Variants in NTRK3 observed in about 807,000 individuals in gnomAD.
NTRK3 encodes the protein neurotrophic receptor tyrosine kinase 3.
NTRK3 carries 24 observed loss-of-function variants against 91.7 expected under a neutral mutation model. The ratio of observed to expected loss-of-function variants is 0.26; its 90% CI spans 0.19 to 0.37. The LOEUF (loss-of-function observed/expected upper bound fraction) is 0.37. NTRK3 is among the 10% of genes least tolerant of loss of function. NTRK3 has a pLI of 1.00. For synonymous variants in NTRK3, 483 were observed against 404.0 expected (o/e 1.20, Z -2.34); for missense variants, 880 against 1,068.9 (o/e 0.82, Z 2.46).
chr15:88,126,456 AAC>A, intron 12 of NTRK3, 83 bp from the exon 13 acceptor site: 5 of 875,790 alleles, frequency 5.7e-6, no homozygotes, highest in Middle Eastern at 4.4e-4. Flanking sequence ...CCCAGATAAG[AAC>A]AGTCCTACTG....
At chr15:87,865,844 T>G (rs2064657856) in exon 19 of NTRK3, 1 of 228,800 alleles carries the variant, frequency 4.4e-6, no homozygotes, top group African/African-American at 2.2e-5. Flanking sequence ...TCCTTGTATT[T>G]TTTAGAGCAT....
intron 13 of NTRK3, among the ~76,000 whole-genome samples, chr15:88,114,652 T>C (rs955266198): frequency 6.6e-6 from 1 of 152,222 alleles, no homozygotes; most frequent in Non-Finnish European, 1.5e-5. Context: ...CTTGCATTTG[T>C]GCAAAGGCAA....
At chr15:88,137,894 T>C (rs1037227561) in intron 6 of NTRK3, among the ~76,000 whole-genome samples, 1 of 151,810 alleles carries the variant, frequency 6.6e-6, no homozygotes, top group African/African-American at 2.4e-5. Flanking sequence ...CTACTAAAAA[T>C]ACAAAAATTA....
chr15:88,036,340 A>T (rs569712397), intron 13 of NTRK3, among the ~76,000 whole-genome samples: 37 of 152,294 alleles, frequency 2.4e-4, no homozygotes, highest in Admixed American at 6.5e-4. Context: ...ATCATTCTCT[A>T]TAACAATACC....
intron 14 of NTRK3, among the ~76,000 whole-genome samples, chr15:87,949,834 C>T (rs1206206865): frequency 2.0e-5 from 3 of 152,190 alleles, no homozygotes; most frequent in South Asian, 4.1e-4. Flanking sequence ...AAAAAGAACT[C>T]CCCAAGGAGA....
exon 19 of NTRK3, chr15:87,875,193 C>T (rs1314810802): frequency 4.3e-6 from 1 of 230,640 alleles, no homozygotes; most frequent in Non-Finnish European, 8.6e-6. Context: ...AGGCCAGAGG[C>T]CCCCGGGAGG....
chr15:88,256,155 TCCGATCG>T, exon 3 of NTRK3: 1 of 1,490,974 alleles, frequency 6.7e-7, no homozygotes, highest in Admixed American at 1.8e-5. Context: ...GACATCCATC[TCCGATCG>T]CTGCTTCTAA....
intron 16 of NTRK3, chr15:87,931,039 TTC>T: frequency 2.9e-6 from 1 of 347,880 alleles, no homozygotes; most frequent in East Asian, 7.9e-5. Context: ...ATACACTTCT[TTC>T]TGTTTCTTCT....
chr15:88,084,849 T>G (rs116123702), intron 13 of NTRK3, among the ~76,000 whole-genome samples: 2,225 of 152,252 alleles, frequency 0.015, 49 homozygotes, highest in African/African-American at 0.051. Flanking sequence ...CACTGTAAGC[T>G]CTGGTCAGCC....
chr15:87,886,439 G>T (rs185551200), intron 17 of NTRK3, among the ~76,000 whole-genome samples: 1 of 151,036 alleles, frequency 6.6e-6, no homozygotes, highest in Admixed American at 6.6e-5. Flanking sequence ...ATATAGTAGA[G>T]CTATGTGTAC....
chr15:88,002,668 A>C (rs1175964994), intron 14 of NTRK3, among the ~76,000 whole-genome samples: 6 of 149,170 alleles, frequency 4.0e-5, no homozygotes, highest in African/African-American at 1.5e-4. Flanking sequence ...CTAAGACTCA[A>C]CAGAAAACAT....
intron 13 of NTRK3, among the ~76,000 whole-genome samples, chr15:88,042,367 G>A (rs1438506364): frequency 6.6e-6 from 1 of 152,124 alleles, no homozygotes; most frequent in East Asian, 1.9e-4. Flanking sequence ...AACAGACCTG[G>A]GGACTAGTCA....
chr15:87,928,853 CTG>C (rs2068547167), intron 17 of NTRK3: 28 of 489,678 alleles, frequency 5.7e-5, no homozygotes, highest in South Asian at 7.5e-5. Context: ...TTGGGTGTGT[CTG>C]TGTGTGTGTT....
At chr15:88,232,611 G>C (rs1028287960) in intron 3 of NTRK3, among the ~76,000 whole-genome samples, 14 of 152,266 alleles carry the variant, frequency 9.2e-5, no homozygotes, top group African/African-American at 3.4e-4. Context: ...ACACTTGGCT[G>C]GAAAGGAACC....
intron 15 of NTRK3, among the ~76,000 whole-genome samples, chr15:87,938,928 C>G: frequency 6.6e-6 from 1 of 152,118 alleles, no homozygotes; most frequent in East Asian, 1.9e-4. Context: ...TAATCATTAG[C>G]CTTTTAGGAT....
chr15:87,940,065 C>T (rs2142011295), intron 15 of NTRK3, among the ~76,000 whole-genome samples: 1 of 152,304 alleles, frequency 6.6e-6, no homozygotes, highest in African/African-American at 2.4e-5. Context: ...GGGGTCTGAA[C>T]CTGAAACCCA....
rs149634366 is a variant in NTRK3 at position 87,948,416 on chromosome 15, G to A, written c.1586-7663C>T. 6.8e-3 allele frequency among the ~76,000 whole-genome samples: 1,035 copies of A among 152,280 alleles called. 19 individuals are homozygous for A. Among genetic ancestry groups the A allele is most frequent in the East Asian group, 0.033 (170 of 5,160 alleles). On this transcript the variant is annotated intron_variant, in intron 14 of 18. Coordinates refer to ENST00000394480, the Ensembl canonical transcript of NTRK3. ...AAAATTAGTAATCAAGGCCAGGTGCGGTGGCTCACGCCTGTAATCCCAGCA... is the reference window on the plus strand; with the variant it reads ...AAAATTAGTAATCAAGGCCAGGTGCAGTGGCTCACGCCTGTAATCCCAGCA...
intron 14 of NTRK3, among the ~76,000 whole-genome samples, chr15:88,010,266 G>T (rs1005909107): frequency 1.3e-5 from 2 of 152,060 alleles, no homozygotes; most frequent in African/African-American, 4.8e-5. Flanking sequence ...ACCTTTGCCC[G>T]TTCTAATAGC....
chr15:87,901,266 G>T (rs918417365), intron 17 of NTRK3, among the ~76,000 whole-genome samples: 1 of 152,258 alleles, frequency 6.6e-6, no homozygotes, highest in South Asian at 2.1e-4. Context: ...TGTGAAGCCA[G>T]AAATCACAGT....
Sources: gnomAD v4.1 joint callset for allele counts (sites outside exome capture counted in the v4.1 genomes callset) on GRCh38, gnomAD v4.1.1 for gene constraint, MANE v1.5 for transcripts, NCBI Gene and HGNC (gene_info 2026-07-23, HGNC 2026-07-21) for gene names.